The following TMOD2 variants were observed in gnomAD, a reference collection of about 807,000 sequenced individuals.
The protein encoded by TMOD2 is tropomodulin 2.
In TMOD2, 22 loss-of-function variants were observed where a neutral mutation model predicts 39.9. The observed-to-expected ratio is 0.55, with a 90% CI of 0.39 to 0.79. TMOD2 has a LOEUF of 0.79. Ranked by LOEUF, TMOD2 falls within the 30% of genes least tolerant of loss-of-function variation. The pLI, the probability that TMOD2 is intolerant of heterozygous loss-of-function variation, is 0.00. For synonymous variants in TMOD2, 123 were observed against 146.1 expected, an observed-to-expected ratio of 0.84 and a Z score of 1.14; for missense variants, 386 against 413.3, an observed-to-expected ratio of 0.93 and a Z score of 0.57.
At chr15:51,780,589 T>A (rs2055922858) in intron 5 of TMOD2, among the ~76,000 whole-genome samples, 1 of 152,164 alleles carries the variant, frequency 6.6e-6, no homozygotes, top group Non-Finnish European at 1.5e-5. Flanking sequence ...TCCTTAAAAC[T>A]AAAGCTCCAG....
chr15:51,776,769 A>G (rs976205141), intron 4 of TMOD2, among the ~76,000 whole-genome samples, 163 bp from the exon 5 acceptor site: 5 of 152,212 alleles, frequency 3.3e-5, no homozygotes, highest in Non-Finnish European at 5.9e-5. Flanking sequence ...AGGTTTTTGT[A>G]AGTGTATTTA....
chr15:51,776,230 T>G (rs1229069249), intron 4 of TMOD2, among the ~76,000 whole-genome samples: 1 of 152,204 alleles, frequency 6.6e-6, no homozygotes, highest in African/African-American at 2.4e-5. Flanking sequence ...CAGATTATTA[T>G]CCCTTCTGGG....
intron 8 of TMOD2, among the ~76,000 whole-genome samples, chr15:51,805,883 T>G (rs559316727): frequency 6.6e-6 from 1 of 152,350 alleles, no homozygotes; most frequent in South Asian, 2.1e-4. Flanking sequence ...TGCCACTGAA[T>G]TGTGCACTTT....
intron 5 of TMOD2, among the ~76,000 whole-genome samples, chr15:51,780,335 G>T (rs980435343): frequency 6.6e-6 from 1 of 152,108 alleles, no homozygotes; most frequent in African/African-American, 2.4e-5. Flanking sequence ...ATGTTACCTC[G>T]TTTCACACTT....
Position 51,773,778 on chromosome 15 carries a change from C to A in TMOD2, c.350C>A (p.Pro117Gln), listed in dbSNP as rs2141621612. The change falls in exon 4 of 10, where the codon CCA (proline) becomes CAA (glutamine). Residue 117 changes from proline (P) to glutamine (Q), a missense_variant. By Grantham distance (76) the Pro-to-Gln change is moderately conservative (BLOSUM62 -1). Transcript: ENST00000249700. ...AAAGAAGAAAAAGTGACCCTTGACC[C>A]AGAACTGGAAGAAGCTTTGGCCAGT... Reference protein sequence around the residue: ...TRKEEKVTLDPELEEALASAS... With the variant: ...TRKEEKVTLDQELEEALASAS... 6.2e-7 allele frequency: 1 copy of A among 1,613,648 alleles called. No homozygotes were observed. Among genetic ancestry groups the A allele is most frequent in the East Asian group, 2.2e-5 (1 of 44,866 alleles).
At chr15:51,776,794 C>T (rs538090644) in intron 4 of TMOD2, 138 bp from the exon 5 acceptor site, 2 of 670,684 alleles carry the variant, frequency 3.0e-6, no homozygotes, top group South Asian at 3.2e-5. Flanking sequence ...TATACATGTA[C>T]CACACACTGT....
chr15:51,784,223 G>A (rs1054775193), intron 7 of TMOD2: 1 of 152,194 alleles, frequency 6.6e-6, no homozygotes, highest in Non-Finnish European at 1.5e-5. Flanking sequence ...ACAATGCCTG[G>A]CTGTCATACA....
At chr15:51,792,210 A>G (rs1467971513) in intron 7 of TMOD2, among the ~76,000 whole-genome samples, 1 of 152,244 alleles carries the variant, frequency 6.6e-6, no homozygotes, top group African/African-American at 2.4e-5. Flanking sequence ...AAGGATATGA[A>G]TAGACACTTC....
At chr15:51,765,619 A>C (rs564623464) in intron 1 of TMOD2, among the ~76,000 whole-genome samples, 51 of 152,236 alleles carry the variant, frequency 3.4e-4, no homozygotes, top group Non-Finnish European at 6.9e-4. Flanking sequence ...AAAGGGATTG[A>C]GTAAAAATTG....
At chr15:51,769,795 G>A (rs911188168) in intron 3 of TMOD2, among the ~76,000 whole-genome samples, 1 of 152,186 alleles carries the variant, frequency 6.6e-6, no homozygotes, top group Non-Finnish European at 1.5e-5. Context: ...TGCACTTTGG[G>A]AGGCTGAGGC....
At chr15:51,774,107 T>G (rs1595866975) in intron 4 of TMOD2, among the ~76,000 whole-genome samples, 1 of 152,194 alleles carries the variant, frequency 6.6e-6, no homozygotes, top group African/African-American at 2.4e-5. Flanking sequence ...GTGTTGAGAA[T>G]TTAGAGAATA....
At chr15:51,785,328 C>T (rs1333049231) in intron 7 of TMOD2, among the ~76,000 whole-genome samples, 2 of 144,464 alleles carry the variant, frequency 1.4e-5, no homozygotes, top group East Asian at 2.1e-4. Context: ...AGGAGAATGG[C>T]GTGAACCCAG....
At chr15:51,797,751 A>G (rs2056060881) in intron 7 of TMOD2, among the ~76,000 whole-genome samples, 2 of 152,134 alleles carry the variant, frequency 1.3e-5, no homozygotes, top group Non-Finnish European at 2.9e-5. Context: ...TAATATAACT[A>G]AATCACTAGT....
intron 1 of TMOD2, among the ~76,000 whole-genome samples, chr15:51,763,109 A>ATT (rs1425885329): frequency 1.5e-4 from 23 of 151,406 alleles, no homozygotes; most frequent in African/African-American, 3.9e-4. Context: ...TAATTTTTAA[A>ATT]AAAAAAAATT....
chr15:51,768,818 A>G (rs1233676123), intron 3 of TMOD2, among the ~76,000 whole-genome samples: 1 of 150,702 alleles, frequency 6.6e-6, no homozygotes, highest in Non-Finnish European at 1.5e-5. Flanking sequence ...TGGATTCAGT[A>G]TTTATTTTAT....
At chr15:51,797,267 A>G (rs1293651323) in intron 7 of TMOD2, among the ~76,000 whole-genome samples, 4 of 152,034 alleles carry the variant, frequency 2.6e-5, no homozygotes, top group Non-Finnish European at 5.9e-5. Context: ...AGGTCGCAGC[A>G]CCTTCACCAG....
At position 51,798,280 on chromosome 15, in the gene TMOD2, G is replaced by C. The variant is rs762206993; in HGVS notation, c.816G>C (p.Leu272=). 1.9e-6 allele frequency: 3 copies of C among 1,613,844 alleles called. No individual in the cohort carries two copies. In the Admixed American group the frequency reaches 5.0e-5, roughly 27 times the overall value. ...ATTTTATCACTGGAACTGGGATCCT[G>C]GCCCTGGTAGAGGCACTGAAAGAAA... ...ESNFITGTGI[L]ALVEALKEND... Residue 272 remains leucine, a synonymous_variant, in exon 8 of 10, where the codon CTG becomes CTC. Coordinates refer to ENST00000249700, the MANE Select transcript of TMOD2 (RefSeq NM_014548.4).
intron 5 of TMOD2, among the ~76,000 whole-genome samples, chr15:51,779,875 T>C (rs987612416): frequency 6.6e-6 from 1 of 152,070 alleles, no homozygotes; most frequent in Non-Finnish European, 1.5e-5. Context: ...AGAGGCTGGG[T>C]CTCACTGTGT....
chr15:51,798,267 G>T lies in TMOD2; in HGVS notation c.803G>T (p.Gly268Val). 2 of 1,613,808 alleles carry T rather than the reference G, an allele frequency of 1.2e-6. No individual in the cohort carries two copies. Among genetic ancestry groups the T allele is most frequent in the Non-Finnish European group, 1.7e-6 (2 of 1,179,912 alleles). ...SLNIESNFIT[G>V]TGILALVEAL... Reference sequence around the variant, plus strand: ...AACATAGAATCCAATTTTATCACTGGAACTGGGATCCTGGCCCTGGTAGAG... The same window carrying T: ...AACATAGAATCCAATTTTATCACTGTAACTGGGATCCTGGCCCTGGTAGAG... Residue 268 changes from glycine (G) to valine (V), a missense_variant, in exon 8 of 10, where the codon GGA (glycine) becomes GTA (valine). Transcript: ENST00000249700.
Sources: allele counts gnomAD v4.1 joint callset (sites outside exome capture counted in the v4.1 genomes callset), GRCh38; gene constraint gnomAD v4.1.1; transcripts MANE v1.5; gene names NCBI Gene and HGNC (gene_info 2026-07-23, HGNC 2026-07-21).